PFKFB1: variants seen among roughly 807,000 people sequenced by gnomAD.
PFKFB1 encodes the protein 6-phosphofructo-2-kinase/fructose-2,6-bisphosphatase 1.
PFKFB1 carries 34 observed loss-of-function variants against 46.4 expected under a neutral mutation model. The observed-to-expected ratio is 0.73, with a 90% CI of 0.56 to 0.98. The LOEUF (loss-of-function observed/expected upper bound fraction) is 0.98, where lower values mean the gene tolerates loss of function less well. PFKFB1 is among the 50% of genes least tolerant of loss of function. The pLI is 0.00. For missense variants in PFKFB1, 393 were observed against 376.3 expected (o/e 1.04, Z -0.37); for synonymous variants, 119 against 133.8 (o/e 0.89, Z 0.76).
intron 2 of PFKFB1, among the ~76,000 whole-genome samples, chrX:54,962,113 G>A (rs921780978): frequency 1.8e-5 from 2 of 110,910 alleles, no homozygotes; most frequent in African/African-American, 6.6e-5. Flanking sequence ...GCCTTTGAGA[G>A]AATTGAGTGA....
At chrX:54,994,675 C>A, upstream of PFKFB1, 1 of 754,228 alleles carries the variant, frequency 1.3e-6, no homozygotes, top group Non-Finnish European at 1.6e-6. Context: ...TCTGCTTCCC[C>A]GACCCAAAAT....
At chrX:54,996,953 G>C (rs1191017439), upstream of PFKFB1, among the ~76,000 whole-genome samples, 2 of 111,170 alleles carry the variant, frequency 1.8e-5, no homozygotes, top group Non-Finnish European at 3.8e-5. Flanking sequence ...TCCTATCTGA[G>C]CAAGTATCCA....
intron 1 of PFKFB1, among the ~76,000 whole-genome samples, chrX:54,987,658 G>A (rs1257901362): frequency 9.0e-6 from 1 of 110,782 alleles, no homozygotes; most frequent in East Asian, 2.8e-4. Flanking sequence ...TTATAGGAAT[G>A]CAAGCTTGAT....
chrX:54,973,250 G>A (rs752058116), intron 1 of PFKFB1, among the ~76,000 whole-genome samples: 81 of 110,747 alleles, frequency 7.3e-4, no homozygotes, highest in African/African-American at 2.7e-3. Flanking sequence ...TATTAGTCTT[G>A]CTAGCGGTCT....
chrX:54,960,460 G>A (rs903510063), intron 3 of PFKFB1, among the ~76,000 whole-genome samples: 24 of 112,296 alleles, frequency 2.1e-4, no homozygotes, highest in African/African-American at 7.8e-4. Context: ...AGTAGGCCAA[G>A]GTATTGAGAT....
chrX:54,975,572 C>T (rs1934818848), intron 1 of PFKFB1, among the ~76,000 whole-genome samples: 1 of 110,805 alleles, frequency 9.0e-6, no homozygotes, highest in African/African-American at 3.3e-5. Flanking sequence ...TCTCAGAAAC[C>T]ATCACTAAAC....
chrX:54,960,384 C>G (rs940497068), intron 3 of PFKFB1, among the ~76,000 whole-genome samples: 30 of 112,552 alleles, frequency 2.7e-4, no homozygotes, highest in African/African-American at 9.7e-4. Flanking sequence ...CTCTATTCTG[C>G]AAGTACTCAG....
intron 1 of PFKFB1, among the ~76,000 whole-genome samples, chrX:54,991,639 A>T (rs999854587): frequency 9.1e-6 from 1 of 109,900 alleles, no homozygotes; most frequent in Admixed American, 9.7e-5. Context: ...GACCAAGAAT[A>T]GCCAAGACAC....
Position 54,949,107 on chromosome X carries a change from C to G in PFKFB1, c.961G>C (p.Glu321Gln). The G allele has an allele frequency of 2.5e-6, 3 of 1,211,405 alleles. No homozygotes were observed. The highest frequency in any genetic ancestry group is 3.4e-6 in the Non-Finnish European group (3 of 895,249). ...ATCTCATTCAGGGCCTTCCACTGCT[C>G]ATAGGGGACACCCAGGGCCTCAGCT... ...QTAEALGVPY[E>Q]QWKALNEIDA... The change falls in exon 9 of 14, where the codon GAG (glutamate) becomes CAG (glutamine). Residue 321 changes from glutamate (E) to glutamine (Q), a missense_variant. Physicochemically the swap from Glu to Gln is conservative, Grantham distance 29 (BLOSUM62 2). Coordinates refer to ENST00000375006, the MANE Select transcript of PFKFB1 (RefSeq NM_002625.4).
At chrX:54,953,536 A>G (rs1569546836) in intron 7 of PFKFB1, among the ~76,000 whole-genome samples, 1 of 111,833 alleles carries the variant, frequency 8.9e-6, no homozygotes, top group Non-Finnish European at 1.9e-5. Context: ...AGAGAGAGAA[A>G]GTGATTTCTC....
intron 1 of PFKFB1, among the ~76,000 whole-genome samples, chrX:54,971,513 T>A (rs1365526484): frequency 2.2e-4 from 25 of 111,999 alleles, no homozygotes; most frequent in African/African-American, 7.8e-4. Context: ...TTAATTTTTG[T>A]ATAAGGTGTA....
At chrX:54,991,537 C>CTGTGTG (rs761074903) in intron 1 of PFKFB1, among the ~76,000 whole-genome samples, 7 of 98,474 alleles carry the variant, frequency 7.1e-5, no homozygotes, top group African/African-American at 1.5e-4. Flanking sequence ...CTCTCTCTCT[C>CTGTGTG]TCTGTGTGTG....
At chrX:54,953,929 G>C (rs1286468075) in intron 7 of PFKFB1, among the ~76,000 whole-genome samples, 1 of 111,825 alleles carries the variant, frequency 8.9e-6, no homozygotes, top group Non-Finnish European at 1.9e-5. Flanking sequence ...TTCCAAAGTT[G>C]AGCTGCTATG....
intron 11 of PFKFB1, 117 bp downstream of exon 11, chrX:54,937,478 C>G (rs1933441509): frequency 1.5e-6 from 1 of 646,349 alleles, no homozygotes; most frequent in South Asian, 4.0e-5. Flanking sequence ...GAATCTGAAC[C>G]TAGGCATCCT....
Position 54,963,305 on chromosome X carries a change from A to T in PFKFB1, c.175T>A (p.Ser59Thr). 8.3e-7 allele frequency: 1 copy of T among 1,208,103 alleles called. No individual in the cohort carries two copies. The highest frequency in any genetic ancestry group is 1.1e-6 in the Non-Finnish European group (1 of 892,386). ...TTGAGATATCGTGTGAGCTTTGTGG[A>T]GATATAGGTCTTGCCTCGAGCTGGT... ...GLPARGKTYI[S>T]TKLTRYLNWI... The change falls in exon 2 of 14, where the codon TCC becomes ACC. Residue 59 changes from serine (S) to threonine (T), a missense_variant. Physicochemically the swap from Ser to Thr is moderately conservative, Grantham distance 58. Transcript: ENST00000375006.
chrX:54,933,894 A>G lies in PFKFB1; in HGVS notation c.1292-9T>C. On this transcript the variant is annotated splice_polypyrimidine_tract_variant and intron_variant, in intron 12 of 13. Transcript: ENST00000375006. ...GGATTCCACTTTGCAGCCTTAGAAA[A>G]GAACAATCCATCTGTCCATAGGCCC... 8.3e-7 allele frequency: 1 copy of G among 1,201,615 alleles called. No individual in the cohort carries two copies. Among genetic ancestry groups the G allele is most frequent in the South Asian group, 1.8e-5 (1 of 56,605 alleles).
chrX:54,996,085 C>A (rs1451417406), upstream of PFKFB1, among the ~76,000 whole-genome samples: 1 of 112,075 alleles, frequency 8.9e-6, no homozygotes, highest in Non-Finnish European at 1.9e-5. Flanking sequence ...TTCTCCCAGG[C>A]CAGGGCTTTT....
rs1026355703 is a variant in PFKFB1, at chrX:54,956,271, C to T, written c.520G>A (p.Val174Met). 3.3e-6 allele frequency: 4 copies of T among 1,211,064 alleles called. No homozygotes were observed. The highest frequency in any genetic ancestry group is 4.5e-6 in the Non-Finnish European group (4 of 894,953). ...ATATAATCAGGGCTGCCAAGTTTCA[C>T]TTGCTGGGAGCAGGGAGAACAGAGG... ...PGIIAENIRQVKLGSPDYIDC... is the reference protein window; with the variant it reads ...PGIIAENIRQMKLGSPDYIDC... The change falls in exon 7 of 14, where the codon GTG becomes ATG. Residue 174 changes from valine to methionine, a missense_variant. Coordinates refer to ENST00000375006, the MANE Select transcript of PFKFB1 (RefSeq NM_002625.4).
rs201396525 is a variant in PFKFB1, at chrX:54,958,259, C to A, written c.516+47G>T. On this transcript the variant is annotated intron_variant, in intron 6 of 13. Coordinates refer to ENST00000375006, the MANE Select transcript of PFKFB1 (RefSeq NM_002625.4). ...ATCTCACCTCTGCCTTAGGCATGAT[C>A]TAAGCCTAAGGCAGAGCAAAGTGGA... 5.9e-6 allele frequency: 5 copies of A among 843,694 alleles called. No individual in the cohort carries two copies. The African/African-American group carries it at 1.0e-4, about 17-fold the overall frequency. The allele number at this position is 843,694 out of a possible 1,213,427, so 69.5% of individuals were successfully genotyped here.
Sources: gnomAD v4.1 joint callset for allele counts (sites outside exome capture counted in the v4.1 genomes callset) on GRCh38, gnomAD v4.1.1 for gene constraint, MANE v1.5 for transcripts, NCBI Gene and HGNC (gene_info 2026-07-23, HGNC 2026-07-21) for gene names.